Variants in NTRK3 observed in about 807,000 individuals in gnomAD.
The protein encoded by NTRK3 is NT-3 growth factor receptor.
In NTRK3, 24 loss-of-function variants were observed where a neutral mutation model predicts 91.7. That is an observed-to-expected ratio of 0.26 (90% CI 0.19 to 0.37). The LOEUF (loss-of-function observed/expected upper bound fraction) is 0.37. Ranked by LOEUF, NTRK3 falls within the 10% of genes least tolerant of loss-of-function variation. The pLI, the probability that NTRK3 is intolerant of heterozygous loss-of-function variation, is 1.00. For missense variants in NTRK3, 880 were observed against 1,068.9 expected (o/e 0.82, Z 2.46); for synonymous variants, 483 against 404.0 (o/e 1.20, Z -2.34).
intron 17 of NTRK3, among the ~76,000 whole-genome samples, chr15:87,905,170 C>G (rs557700215): frequency 3.3e-4 from 51 of 152,332 alleles, no homozygotes; most frequent in Middle Eastern, 6.8e-3. Context: ...AGTATGGCTT[C>G]TCTCTACCCC....
At chr15:87,886,677 T>TAC (rs1491322641) in intron 17 of NTRK3, among the ~76,000 whole-genome samples, 6,074 of 29,786 alleles carry the variant, frequency 0.2, 150 homozygotes, top group Non-Finnish European at 0.29. Context: ...CACTTTTTGC[T>TAC]ATATATATAT....
intron 13 of NTRK3, among the ~76,000 whole-genome samples, chr15:88,051,990 T>C (rs1418875212): frequency 2.6e-5 from 4 of 152,340 alleles, no homozygotes; most frequent in African/African-American, 9.6e-5. Flanking sequence ...AGCACCATAA[T>C]TGAAAGACTG....
At chr15:88,018,571 T>C (rs1411760621) in intron 14 of NTRK3, among the ~76,000 whole-genome samples, 1 of 152,198 alleles carries the variant, frequency 6.6e-6, no homozygotes, top group East Asian at 1.9e-4. Flanking sequence ...TAAAGCTTGA[T>C]TTAATGTAGA....
At chr15:88,153,763 T>C (rs921399020) in intron 5 of NTRK3, among the ~76,000 whole-genome samples, 2 of 151,478 alleles carry the variant, frequency 1.3e-5, no homozygotes, top group Non-Finnish European at 2.9e-5. Flanking sequence ...AAATCTCACA[T>C]GGTAGAAGGG....
Position 88,135,094 on chromosome 15 carries a change from C to A in NTRK3, c.1204+7G>T, listed in dbSNP as rs1342282856. 5.6e-6 allele frequency: 9 copies of A among 1,614,192 alleles called. No homozygotes were observed. The highest frequency in any genetic ancestry group is 7.6e-6 in the Non-Finnish European group (9 of 1,180,018). Reference sequence around the variant, plus strand: ...ATACACCTCCGATCCAGCTACGCTGCCCTCACCTGGAAAGGGCTCCTTGAG... The same window carrying A: ...ATACACCTCCGATCCAGCTACGCTGACCTCACCTGGAAAGGGCTCCTTGAG... On this transcript the variant is annotated splice_region_variant and intron_variant, in intron 10 of 18. Transcript: ENST00000394480.
intron 13 of NTRK3, among the ~76,000 whole-genome samples, chr15:88,086,478 T>C (rs925117188): frequency 6.6e-6 from 1 of 152,136 alleles, no homozygotes; most frequent in African/African-American, 2.4e-5. Flanking sequence ...TGGGCTAAAA[T>C]ACATAATTAG....
chr15:87,940,051 C>G (rs1057394807), intron 15 of NTRK3, among the ~76,000 whole-genome samples: 2 of 152,152 alleles, frequency 1.3e-5, no homozygotes, highest in African/African-American at 4.8e-5. Context: ...GCATGCTGCC[C>G]CTTGGGGTCT....
At chr15:88,049,557 T>C (rs2080597609) in intron 13 of NTRK3, among the ~76,000 whole-genome samples, 1 of 152,170 alleles carries the variant, frequency 6.6e-6, no homozygotes, top group Non-Finnish European at 1.5e-5. Context: ...CAAAATGATA[T>C]ATGTAAAAGG....
At chr15:87,960,378 T>C (rs2072138583) in intron 14 of NTRK3, among the ~76,000 whole-genome samples, 1 of 152,226 alleles carries the variant, frequency 6.6e-6, no homozygotes, top group South Asian at 2.1e-4. Flanking sequence ...TTATCTCCTT[T>C]TTTTTCCATC....
At chr15:87,935,667 G>A (rs1419895286) in intron 15 of NTRK3, among the ~76,000 whole-genome samples, 2 of 152,186 alleles carry the variant, frequency 1.3e-5, no homozygotes, top group African/African-American at 4.8e-5. Flanking sequence ...GGAAAAGTAG[G>A]TCAAATTTGG....
chr15:87,918,576 C>G (rs148212076), intron 17 of NTRK3, among the ~76,000 whole-genome samples: 57 of 152,350 alleles, frequency 3.7e-4, no homozygotes, highest in African/African-American at 1.4e-3. Context: ...CATTCCTCTA[C>G]TTAGATAAGC....
chr15:88,035,675 A>G (rs1217832997), intron 13 of NTRK3, among the ~76,000 whole-genome samples: 1 of 152,188 alleles, frequency 6.6e-6, no homozygotes, highest in Non-Finnish European at 1.5e-5. Flanking sequence ...ATCACCAGGC[A>G]CTTCAGCAAA....
At chr15:88,022,585 A>C (rs1361336746) in intron 14 of NTRK3, among the ~76,000 whole-genome samples, 1 of 152,190 alleles carries the variant, frequency 6.6e-6, no homozygotes, top group Non-Finnish European at 1.5e-5. Flanking sequence ...CATGCCAGGA[A>C]GACAAGTAGT....
exon 9 of NTRK3, chr15:88,135,911 G>C: frequency 6.2e-7 from 1 of 1,614,142 alleles, no homozygotes; most frequent in Non-Finnish European, 8.5e-7. Context: ...TAGACAGTGA[G>C]GGCAACACTG....
At chr15:88,048,250 T>C (rs1435551562) in intron 13 of NTRK3, among the ~76,000 whole-genome samples, 3 of 152,176 alleles carry the variant, frequency 2.0e-5, no homozygotes, top group Non-Finnish European at 4.4e-5. Context: ...GTCCTCTGGC[T>C]CCAATCTCTT....
intron 6 of NTRK3, chr15:88,144,194 T>C (rs2042660473): frequency 6.6e-6 from 1 of 152,172 alleles, no homozygotes; most frequent in Admixed American, 6.5e-5. Context: ...ACCAGAAACT[T>C]CTGAGAGCAC....
At chr15:87,892,083 A>AACACACACACACACACACACACAC (rs58946187) in intron 17 of NTRK3, among the ~76,000 whole-genome samples, 1 of 141,342 alleles carries the variant, frequency 7.1e-6, no homozygotes, top group African/African-American at 2.8e-5. Context: ...CCCCATCCCC[A>AACACACACACACACACACACACAC]ACACACACAC....
intron 3 of NTRK3, among the ~76,000 whole-genome samples, chr15:88,206,935 T>A (rs1176115179): frequency 6.6e-6 from 1 of 152,150 alleles, no homozygotes; most frequent in African/African-American, 2.4e-5. Flanking sequence ...CCTTCAAGTC[T>A]CAGGGGAAAT....
At chr15:88,149,616 G>C (rs986978273) in intron 5 of NTRK3, among the ~76,000 whole-genome samples, 5 of 152,186 alleles carry the variant, frequency 3.3e-5, no homozygotes, top group African/African-American at 1.2e-4. Context: ...CGATCAGAAA[G>C]GTGTGATAAA....
Sources: allele counts gnomAD v4.1 joint callset (sites outside exome capture counted in the v4.1 genomes callset), GRCh38; gene constraint gnomAD v4.1.1; transcripts MANE v1.5; gene names NCBI Gene and HGNC (gene_info 2026-07-23, HGNC 2026-07-21).